Variants in TRMT9B observed in about 807,000 individuals in gnomAD.
TRMT9B encodes probable tRNA methyltransferase 9B.
In TRMT9B, 16 loss-of-function variants were observed where a neutral mutation model predicts 11.5. The observed-to-expected ratio is 1.39, with a 90% CI of 0.94 to 2.11. TRMT9B has a LOEUF of 2.11. Among genes scored for constraint, TRMT9B ranks in the 30% most tolerant of loss-of-function variants. The pLI is 0.00. For synonymous variants in TRMT9B, 274 were observed against 192.4 expected (o/e 1.42, Z -3.51); for missense variants, 941 against 553.8 (o/e 1.70, Z -7.02).
Position 12,970,999 on chromosome 8 carries a change from G to T in TRMT9B, c.-199-19835G>T, listed in dbSNP as rs142166304. On this transcript the variant is annotated intron_variant, in intron 1 of 4. Transcript: ENST00000524591. ...TTCTTCATTTTTTGCATTTTTAAAT[G>T]ATGTATCATAGTTGTACATATTTTG... Among the ~76,000 whole-genome samples, 13 of 152,274 alleles carry T rather than the reference G, an allele frequency of 8.5e-5. No individual in the cohort carries two copies. The East Asian group carries it at 2.3e-3, about 27-fold the overall frequency.
intron 1 of TRMT9B, among the ~76,000 whole-genome samples, chr8:12,982,748 A>G (rs548364603): frequency 6.6e-6 from 1 of 152,282 alleles, no homozygotes; most frequent in African/African-American, 2.4e-5. Context: ...CCAAATCTGA[A>G]ATGCTCAAAA....
chr8:13,006,639 A>G (rs971783314), intron 3 of TRMT9B: 5 of 1,356,768 alleles, frequency 3.7e-6, no homozygotes, highest in Admixed American at 3.2e-5. Flanking sequence ...TCAAGTCAGC[A>G]GCAAGTAAAA....
chr8:13,021,833 C>G lies in TRMT9B; in HGVS notation c.1154C>G (p.Thr385Arg), dbSNP rs1181899655. Residue 385 changes from threonine (T) to arginine (R), a missense_variant, in exon 5 of 5, where the codon ACA becomes AGA. Coordinates refer to ENST00000524591, the MANE Select transcript of TRMT9B (RefSeq NM_020844.3). ...AGAAGGATTTCTGCAGTTGATTCCA[C>G]AGATTTCAACCCAGATGATACAATG... is the stretch of plus-strand genomic sequence containing the variant. Reference protein sequence around the residue: ...ILRRISAVDSTDFNPDDTMSV... With the variant: ...ILRRISAVDSRDFNPDDTMSV... The G allele has an allele frequency of 1.9e-6, 3 of 1,613,664 alleles. No individual in the cohort carries two copies. The highest frequency in any genetic ancestry group is 2.5e-6 in the Non-Finnish European group (3 of 1,179,716).
chr8:12,997,642 T>C (rs1179480358), intron 2 of TRMT9B, among the ~76,000 whole-genome samples: 1 of 152,240 alleles, frequency 6.6e-6, no homozygotes, highest in Non-Finnish European at 1.5e-5. Flanking sequence ...ATTTTACTGA[T>C]GATGGTCACA....
intron 2 of TRMT9B, among the ~76,000 whole-genome samples, chr8:13,005,339 A>T (rs1331261477): frequency 6.6e-6 from 1 of 152,184 alleles, no homozygotes; most frequent in Non-Finnish European, 1.5e-5. Flanking sequence ...AATGGGTACA[A>T]AAAACAGAAT....
chr8:12,987,829 A>C (rs1806596953), intron 1 of TRMT9B, among the ~76,000 whole-genome samples: 1 of 152,212 alleles, frequency 6.6e-6, no homozygotes, highest in Admixed American at 6.5e-5. Flanking sequence ...AACACTGTCA[A>C]ATCTCAGTTG....
chr8:13,013,486 A>T (rs968702014), intron 4 of TRMT9B, among the ~76,000 whole-genome samples: 7 of 152,206 alleles, frequency 4.6e-5, no homozygotes, highest in African/African-American at 1.2e-4. Flanking sequence ...GGGGGGAAAA[A>T]ATCCATGCCT....
At chr8:12,957,262 T>C (rs1209652494) in intron 1 of TRMT9B, among the ~76,000 whole-genome samples, 1 of 152,238 alleles carries the variant, frequency 6.6e-6, no homozygotes, top group Non-Finnish European at 1.5e-5. Flanking sequence ...TGTCTTTGTC[T>C]TCTCTGTTCC....
rs138053881 is a variant in TRMT9B at position 13,000,830 on chromosome 8, G to C, written c.-1-5372G>C. ...TCCCTGCCTTGGGAAAGGTGTGGTTGTAAGAAACAGAAGTGAGTTCAAGTG... is the reference window on the plus strand; with the variant it reads ...TCCCTGCCTTGGGAAAGGTGTGGTTCTAAGAAACAGAAGTGAGTTCAAGTG... On this transcript the variant is annotated intron_variant, in intron 2 of 4. Coordinates refer to ENST00000524591, the MANE Select transcript of TRMT9B (RefSeq NM_020844.3). Among the ~76,000 whole-genome samples, 540 of 152,286 alleles carry C rather than the reference G, an allele frequency of 3.5e-3. 2 individuals carry two copies. Among genetic ancestry groups the C allele is most frequent in the African/African-American group, 0.012 (505 of 41,552 alleles).
At chr8:12,965,371 A>G (rs1189781412) in intron 1 of TRMT9B, among the ~76,000 whole-genome samples, 3 of 152,214 alleles carry the variant, frequency 2.0e-5, no homozygotes. Flanking sequence ...AGATGGTGGC[A>G]GGGAGATTTG....
At chr8:12,947,509 C>T (rs1457258493) in intron 1 of TRMT9B, among the ~76,000 whole-genome samples, 1 of 152,188 alleles carries the variant, frequency 6.6e-6, no homozygotes, top group Non-Finnish European at 1.5e-5. Flanking sequence ...AGACCACGTC[C>T]TTGAATAAAA....
intron 1 of TRMT9B, among the ~76,000 whole-genome samples, chr8:12,946,263 G>A (rs940841481): frequency 1.3e-5 from 2 of 152,176 alleles, no homozygotes; most frequent in African/African-American, 4.8e-5. Flanking sequence ...TTATGGAAGA[G>A]ACGGCCTTGG....
At chr8:12,998,339 T>C (rs1001645188) in intron 2 of TRMT9B, among the ~76,000 whole-genome samples, 4 of 152,246 alleles carry the variant, frequency 2.6e-5, no homozygotes, top group Admixed American at 2.0e-4. Context: ...AAAAGCTTTA[T>C]TGTTCTGTAT....
At chr8:12,971,011 T>C (rs150809070) in intron 1 of TRMT9B, among the ~76,000 whole-genome samples, 191 of 152,348 alleles carry the variant, frequency 1.3e-3, no homozygotes, top group African/African-American at 4.4e-3. Flanking sequence ...TGTATCATAG[T>C]TGTACATATT....
intron 2 of TRMT9B, among the ~76,000 whole-genome samples, chr8:13,004,637 C>G (rs986369945): frequency 2.0e-5 from 3 of 151,946 alleles, no homozygotes; most frequent in Non-Finnish European, 4.4e-5. Context: ...GACTAAAGAG[C>G]CCTTTGGCCC....
Position 13,002,726 on chromosome 8 carries a change from A to T in TRMT9B, c.-1-3476A>T, listed in dbSNP as rs1809676179. 2.0e-5 allele frequency among the ~76,000 whole-genome samples: 3 copies of T among 152,324 alleles called. No homozygotes were observed. In the East Asian group the frequency reaches 5.8e-4, roughly 29 times the overall value. ...AATAATTGGGGCAAGAATCATTGGT[A>T]GATGCTAAAACTGGTGGGTGAGCAA... On this transcript the variant is annotated intron_variant, in intron 2 of 4. Transcript: ENST00000524591.
At chr8:12,995,042 G>A (rs1012938388) in intron 2 of TRMT9B, among the ~76,000 whole-genome samples, 3 of 152,174 alleles carry the variant, frequency 2.0e-5, no homozygotes, top group Non-Finnish European at 4.4e-5. Flanking sequence ...CGCAGCTCCC[G>A]ACTTCTCATG....
intron 1 of TRMT9B, among the ~76,000 whole-genome samples, chr8:12,948,668 A>G (rs1030213404): frequency 2.0e-5 from 3 of 152,014 alleles, no homozygotes; most frequent in African/African-American, 7.2e-5. Flanking sequence ...TAACATTAGA[A>G]AAAAACAGAA....
chr8:12,996,638 A>C (rs1418512599), intron 2 of TRMT9B, among the ~76,000 whole-genome samples: 1 of 152,228 alleles, frequency 6.6e-6, no homozygotes, highest in Non-Finnish European at 1.5e-5. Context: ...TACTCTGCTC[A>C]GTTTTAAGTT....
Sources: allele counts gnomAD v4.1 joint callset (sites outside exome capture counted in the v4.1 genomes callset), GRCh38; gene constraint gnomAD v4.1.1; transcripts MANE v1.5; gene names NCBI Gene and HGNC (gene_info 2026-07-23, HGNC 2026-07-21).